The following MYO1D variants were observed in gnomAD, a reference collection of about 807,000 sequenced individuals.
MYO1D encodes myosin ID.
MYO1D carries 83 observed loss-of-function variants against 122.0 expected under a neutral mutation model. The ratio of observed to expected loss-of-function variants is 0.68; its 90% CI spans 0.57 to 0.82. MYO1D has a LOEUF of 0.82. Ranked by LOEUF, MYO1D falls within the 40% of genes least tolerant of loss-of-function variation. The probability of loss-of-function intolerance (pLI) is 0.00; values close to 1 mark genes in which losing one functional copy is unlikely to be tolerated. For synonymous variants in MYO1D, 464 were observed against 446.9 expected, an observed-to-expected ratio of 1.04 and a Z score of -0.48; for missense variants, 1,157 against 1,269.5, an observed-to-expected ratio of 0.91 and a Z score of 1.35.
chr17:32,811,606 C>A (rs2090572455), intron 1 of MYO1D, among the ~76,000 whole-genome samples: 1 of 150,426 alleles, frequency 6.6e-6, no homozygotes, highest in Non-Finnish European at 1.5e-5. Flanking sequence ...TATCTCCCAA[C>A]CCTCACCCTC....
At chr17:32,654,684 CTTT>C in intron 17 of MYO1D, 63 bp from the exon 18 acceptor site, 1 of 1,085,104 alleles carries the variant, frequency 9.2e-7, no homozygotes. Context: ...TTCTCTCTCT[CTTT>C]TTTTTTTTCT....
intron 1 of MYO1D, among the ~76,000 whole-genome samples, chr17:32,867,367 T>G (rs1488291259): frequency 6.6e-6 from 1 of 151,062 alleles, no homozygotes; most frequent in East Asian, 1.9e-4. Context: ...TCATTTGAGC[T>G]CAATCATATT....
intron 21 of MYO1D, among the ~76,000 whole-genome samples, chr17:32,599,114 G>A (rs1473634966): frequency 6.6e-6 from 1 of 152,044 alleles, no homozygotes; most frequent in African/African-American, 2.4e-5. Context: ...TATAGCATGC[G>A]GTGCTGTTTG....
chr17:32,774,095 T>A (rs1447077759), intron 4 of MYO1D, among the ~76,000 whole-genome samples: 1 of 152,064 alleles, frequency 6.6e-6, no homozygotes, highest in Non-Finnish European at 1.5e-5. Context: ...CCTCCCCTCC[T>A]CACACCCGAT....
At chr17:32,762,609 C>T (rs1285250050) in intron 8 of MYO1D, among the ~76,000 whole-genome samples, 1 of 152,174 alleles carries the variant, frequency 6.6e-6, no homozygotes, top group East Asian at 1.9e-4. Flanking sequence ...TGCAGTGGCT[C>T]ATGCCTGTAA....
At chr17:32,687,315 G>A (rs897161212) in intron 16 of MYO1D, among the ~76,000 whole-genome samples, 3 of 151,692 alleles carry the variant, frequency 2.0e-5, no homozygotes, top group African/African-American at 7.3e-5. Flanking sequence ...TCCTGCCTCA[G>A]CCTCCCAAGT....
chr17:32,499,254 C>A, intron 21 of MYO1D: 1 of 152,482 alleles, frequency 6.6e-6, no homozygotes. Context: ...GTAGTCCCAG[C>A]TACTCTGGAG....
intron 8 of MYO1D, among the ~76,000 whole-genome samples, chr17:32,761,783 T>C (rs1163718254): frequency 6.6e-6 from 1 of 152,188 alleles, no homozygotes; most frequent in Non-Finnish European, 1.5e-5. Flanking sequence ...AAAGGACTCT[T>C]GATCTTTCCT....
At chr17:32,822,797 G>T (rs1277670287) in intron 1 of MYO1D, among the ~76,000 whole-genome samples, 1 of 151,588 alleles carries the variant, frequency 6.6e-6, no homozygotes, top group Non-Finnish European at 1.5e-5. Flanking sequence ...CTCCGCTCGC[G>T]ACCGCTCCTC....
intron 16 of MYO1D, among the ~76,000 whole-genome samples, chr17:32,675,522 C>G (rs1007452915): frequency 3.3e-5 from 5 of 152,046 alleles, no homozygotes; most frequent in African/African-American, 1.2e-4. Flanking sequence ...ACAATCAAGT[C>G]AGAACACATT....
At chr17:32,789,238 C>G (rs2090327261) in intron 1 of MYO1D, among the ~76,000 whole-genome samples, 1 of 152,134 alleles carries the variant, frequency 6.6e-6, no homozygotes, top group Non-Finnish European at 1.5e-5. Context: ...TTCCTCTTTT[C>G]CAATTTGGAT....
intron 21 of MYO1D, among the ~76,000 whole-genome samples, chr17:32,506,730 A>G (rs979004728): frequency 2.6e-5 from 4 of 152,262 alleles, no homozygotes; most frequent in Non-Finnish European, 5.9e-5. Context: ...AACAGATGCC[A>G]TTTAAATCAT....
intron 1 of MYO1D, among the ~76,000 whole-genome samples, chr17:32,843,878 T>C (rs2090908785): frequency 6.6e-6 from 1 of 152,170 alleles, no homozygotes; most frequent in Non-Finnish European, 1.5e-5. Flanking sequence ...ACCACTTTTC[T>C]ATATGGCCAT....
chr17:32,770,764 T>C (rs1199222394), intron 6 of MYO1D, among the ~76,000 whole-genome samples: 1 of 152,164 alleles, frequency 6.6e-6, no homozygotes, highest in East Asian at 1.9e-4. Context: ...TCTTACTAAC[T>C]TGCCTTTGGC....
intron 21 of MYO1D, among the ~76,000 whole-genome samples, chr17:32,540,213 C>A (rs1321253437): frequency 6.6e-6 from 1 of 150,966 alleles, no homozygotes; most frequent in African/African-American, 2.4e-5. Context: ...TGTAGTAATC[C>A]CAACTACTCG....
intron 16 of MYO1D, among the ~76,000 whole-genome samples, chr17:32,679,730 C>G (rs2088879653): frequency 6.6e-6 from 1 of 152,082 alleles, no homozygotes; most frequent in African/African-American, 2.4e-5. Context: ...TTAGGATTGA[C>G]TTGGCAGTGC....
At chr17:32,634,666 TACCAAATTGCAACATCAGCTGAGTTTTC>T (rs1291956907) in intron 20 of MYO1D, among the ~76,000 whole-genome samples, 2 of 152,188 alleles carry the variant, frequency 1.3e-5, no homozygotes, top group Non-Finnish European at 2.9e-5. Flanking sequence ...TTAGACAAAC[TACCAAATTGCAACATCAGCTGAGTTTTC>T]ACCCATCCTG....
At chr17:32,831,594 A>T (rs2090771886) in intron 1 of MYO1D, among the ~76,000 whole-genome samples, 1 of 152,260 alleles carries the variant, frequency 6.6e-6, no homozygotes, top group African/African-American at 2.4e-5. Flanking sequence ...ACAAAGTAAC[A>T]TATGCTCAAA....
At chr17:32,542,258 AAAAAG>A (rs1266183339) in intron 21 of MYO1D, among the ~76,000 whole-genome samples, 2 of 152,216 alleles carry the variant, frequency 1.3e-5, no homozygotes, top group African/African-American at 4.8e-5. Flanking sequence ...GTTATAACAA[AAAAAG>A]AAAAGAAAGC....
Sources: allele counts gnomAD v4.1 joint callset (sites outside exome capture counted in the v4.1 genomes callset), GRCh38; gene constraint gnomAD v4.1.1; transcripts MANE v1.5; gene names NCBI Gene and HGNC (gene_info 2026-07-23, HGNC 2026-07-21).